The following NASP variants were observed in gnomAD, a reference collection of about 807,000 sequenced individuals.
NASP encodes nuclear autoantigenic sperm protein, also known as NASP histone chaperone.
A neutral mutation model predicts 89.5 loss-of-function variants in NASP; 24 were observed. That is an observed-to-expected ratio of 0.27 (90% CI 0.19 to 0.38). NASP has a LOEUF of 0.38. NASP is among the 10% of genes least tolerant of loss of function. The pLI, the probability that NASP is intolerant of heterozygous loss-of-function variation, is 1.00. For synonymous variants in NASP, 306 were observed against 324.7 expected, an observed-to-expected ratio of 0.94 and a Z score of 0.62; for missense variants, 848 against 921.4, an observed-to-expected ratio of 0.92 and a Z score of 1.03.
At position 45,615,104 on chromosome 1, in the gene NASP, C is replaced by G. The variant is rs1196687855; in HGVS notation, c.1758C>G (p.Thr586=). ...LEAHDRLLAE[T]HYQLGLAYGY... ...CCCACGACCGTCTCCTTGCAGAGAC[C>G]CACTACCAGCTGGGCTTGGCTTATG... The change falls in exon 10 of 15, where the codon ACC becomes ACG. Residue 586 remains threonine (T), a synonymous_variant. Transcript: ENST00000350030. 6.2e-7 allele frequency: 1 copy of G among 1,614,110 alleles called. No homozygotes were observed. Among genetic ancestry groups the G allele is most frequent in the Non-Finnish European group, 8.5e-7 (1 of 1,180,026 alleles).
intron 2 of NASP, among the ~76,000 whole-genome samples, chr1:45,591,969 C>T (rs1447462025): frequency 6.6e-6 from 1 of 152,154 alleles, no homozygotes; most frequent in African/African-American, 2.4e-5. Context: ...TGTAGGCATG[C>T]ACCACCACAT....
chr1:45,585,125 A>T (rs1260971805), intron 1 of NASP, among the ~76,000 whole-genome samples: 1 of 152,242 alleles, frequency 6.6e-6, no homozygotes, highest in African/African-American at 2.4e-5. Context: ...AAAGCGGCAC[A>T]GTGCCACTCA....
intron 2 of NASP, among the ~76,000 whole-genome samples, chr1:45,596,198 C>CT (rs1447679026): frequency 6.6e-6 from 1 of 152,194 alleles, no homozygotes; most frequent in Non-Finnish European, 1.5e-5. Context: ...TATCCTAATA[C>CT]TTTGACTGTT....
intron 9 of NASP, 94 bp downstream of exon 9, chr1:45,614,460 A>G (rs1188933744): frequency 9.9e-7 from 1 of 1,012,606 alleles, no homozygotes; most frequent in Non-Finnish European, 1.5e-6. Context: ...ATCTTTAAAA[A>G]GATAGGTCTG....
chr1:45,600,201 C>G (rs1643806421), intron 2 of NASP, among the ~76,000 whole-genome samples: 1 of 152,018 alleles, frequency 6.6e-6, no homozygotes, highest in African/African-American at 2.4e-5. Flanking sequence ...TTTCTTAAAG[C>G]TATAAGAAAC....
At chr1:45,594,337 A>G (rs1643635870) in intron 2 of NASP, among the ~76,000 whole-genome samples, 1 of 151,654 alleles carries the variant, frequency 6.6e-6, no homozygotes, top group African/African-American at 2.4e-5. Flanking sequence ...AAAAAAAAAC[A>G]AACAACAACA....
Position 45,616,606 on chromosome 1 carries a change from A to G in NASP, c.2080-20A>G. On this transcript the variant is annotated intron_variant, in intron 12 of 14. Coordinates refer to ENST00000350030, the MANE Select transcript of NASP (RefSeq NM_002482.4). ...TCTCATATAGCTTGTACAATTGCTA[A>G]TAAGGGCTTATTTTGCCAGATTGCC... is the stretch of plus-strand genomic sequence containing the variant. The G allele has an allele frequency of 6.2e-7, 1 of 1,611,108 alleles. No homozygotes were observed. The highest frequency in any genetic ancestry group is 8.5e-7 in the Non-Finnish European group (1 of 1,177,252).
intron 4 of NASP, among the ~76,000 whole-genome samples, chr1:45,605,979 T>C (rs1232685999): frequency 6.6e-6 from 1 of 152,130 alleles, no homozygotes; most frequent in Non-Finnish European, 1.5e-5. Flanking sequence ...TTTCTCCATG[T>C]TGGTCAGGCT....
At chr1:45,601,558 A>C (rs990351115) in intron 2 of NASP, among the ~76,000 whole-genome samples, 1 of 152,096 alleles carries the variant, frequency 6.6e-6, no homozygotes, top group African/African-American at 2.4e-5. Context: ...ACATTGTCTT[A>C]ATCTTGAAAT....
intron 1 of NASP, among the ~76,000 whole-genome samples, chr1:45,587,188 T>G (rs1644564386): frequency 6.6e-6 from 1 of 152,134 alleles, no homozygotes; most frequent in Non-Finnish European, 1.5e-5. Flanking sequence ...TTAGTTGGTT[T>G]TTTTTTGTTG....
chr1:45,611,889 T>C (rs1326088007), intron 6 of NASP: 2 of 146,508 alleles, frequency 1.4e-5, no homozygotes, highest in African/African-American at 5.2e-5. Context: ...AGACGGAGTC[T>C]TGCTCTGTCA....
intron 2 of NASP, among the ~76,000 whole-genome samples, chr1:45,601,512 C>G (rs1006838598): frequency 3.3e-5 from 5 of 152,072 alleles, no homozygotes; most frequent in African/African-American, 1.2e-4. Flanking sequence ...ACTCTGTGTT[C>G]TATTTGATCC....
At chr1:45,587,661 C>CATATATATACATATATATATATATATAT (rs1644572160) in intron 1 of NASP, among the ~76,000 whole-genome samples, 1 of 6,388 alleles carries the variant, frequency 1.6e-4, no homozygotes, top group African/African-American at 7.3e-4. Flanking sequence ...TGAGTTTTTT[C>CATATATATACATATATATATATATATAT]ATATATATAT....
At chr1:45,586,990 G>A (rs1308897525) in intron 1 of NASP, among the ~76,000 whole-genome samples, 1 of 152,020 alleles carries the variant, frequency 6.6e-6, no homozygotes, top group East Asian at 1.9e-4. Context: ...GCATCACCTC[G>A]CCTGGCTTAG....
intron 2 of NASP, among the ~76,000 whole-genome samples, chr1:45,602,006 C>T (rs1643860065): frequency 6.6e-6 from 1 of 152,058 alleles, no homozygotes; most frequent in African/African-American, 2.4e-5. Context: ...CCCGCCTCGG[C>T]CTCCCAAAGT....
chr1:45,585,964 G>A (rs1471433362), intron 1 of NASP, among the ~76,000 whole-genome samples: 1 of 152,090 alleles, frequency 6.6e-6, no homozygotes, highest in Non-Finnish European at 1.5e-5. Context: ...TGTTTTTTGA[G>A]GTAGAAGTAT....
intron 3 of NASP, among the ~76,000 whole-genome samples, chr1:45,602,867 G>A (rs965980637): frequency 5.3e-5 from 8 of 152,114 alleles, no homozygotes. Flanking sequence ...TAAGCGATTC[G>A]TCCACCTTGG....
chr1:45,618,850 A>G lies in NASP; in HGVS notation c.*709A>G, dbSNP rs1328775578. The G allele has an allele frequency of 6.6e-6, 1 of 152,236 alleles. No individual in the cohort carries two copies. Among genetic ancestry groups the G allele is most frequent in the Non-Finnish European group, 1.5e-5 (1 of 68,012 alleles). 9.4% of individuals were successfully genotyped at this position (152,236 alleles called of 1,614,324 possible). A position where few individuals can be genotyped will look rare whatever the true frequency, so the allele number is the denominator to read the frequency against. On this transcript the variant is annotated 3_prime_UTR_variant, in exon 15 of 15. Coordinates refer to ENST00000350030, the MANE Select transcript of NASP (RefSeq NM_002482.4). ...AGATATATCAACACTTGGAATTGTT[A>G]CCCATCTGCAGAATTGACTTCTCAA...
chr1:45,587,687 T>TATATATATATATATA (rs66829841), intron 1 of NASP, among the ~76,000 whole-genome samples: 23 of 78,158 alleles, frequency 2.9e-4, no homozygotes, highest in Admixed American at 6.6e-4. Context: ...TATATATATA[T>TATATATATATATATA]AATTAATTTT....
Sources: allele counts gnomAD v4.1 joint callset (sites outside exome capture counted in the v4.1 genomes callset), GRCh38; gene constraint gnomAD v4.1.1; transcripts MANE v1.5; gene names NCBI Gene and HGNC (gene_info 2026-07-23, HGNC 2026-07-21).